Variants in FBLN2 observed in about 807,000 individuals in gnomAD.
FBLN2 encodes fibulin-2.
FBLN2 carries 81 observed loss-of-function variants against 123.7 expected under a neutral mutation model. That is an observed-to-expected ratio of 0.65 (90% CI 0.55 to 0.79). FBLN2 has a LOEUF of 0.79. Ranked by LOEUF, FBLN2 falls within the 30% of genes least tolerant of loss-of-function variation. FBLN2 has a pLI of 0.00. For synonymous variants in FBLN2, 699 were observed against 701.4 expected (o/e 1.00, Z 0.05); for missense variants, 1,603 against 1,681.3 (o/e 0.95, Z 0.81).
chr3:13,616,529 G>C (rs560175581), intron 5 of FBLN2, among the ~76,000 whole-genome samples: 1 of 152,326 alleles, frequency 6.6e-6, no homozygotes, highest in Admixed American at 6.5e-5. Flanking sequence ...TCATGGCCCT[G>C]CCTGGAGGCA....
chr3:13,603,332 C>A (rs1297145164), intron 2 of FBLN2, among the ~76,000 whole-genome samples: 1 of 151,138 alleles, frequency 6.6e-6, no homozygotes, highest in South Asian at 2.1e-4. Context: ...TGGTGTGCTG[C>A]ACCTGTTAAC....
chr3:13,590,538 C>T (rs1482774158), intron 2 of FBLN2, among the ~76,000 whole-genome samples: 1 of 151,306 alleles, frequency 6.6e-6, no homozygotes, highest in Non-Finnish European at 1.5e-5. Flanking sequence ...GTTGGCCAGG[C>T]TGGTCTTGAA....
chr3:13,621,523 G>A (rs916581051), intron 8 of FBLN2, among the ~76,000 whole-genome samples: 1 of 152,138 alleles, frequency 6.6e-6, no homozygotes, highest in Non-Finnish European at 1.5e-5. Flanking sequence ...CTCTGGTCCT[G>A]TCCCCACTGT....
chr3:13,570,517 C>CTGTGCCACGTG lies in FBLN2; in HGVS notation c.168_178dup (p.Gln60ProfsTer70). Reference sequence around the variant, plus strand: ...AGGAGGCGCTGGAGCCGGGTGCCTGCTGTGCCACGTGTGTGCAGCAGGGCT... The same window carrying CTGTGCCACGTG: ...AGGAGGCGCTGGAGCCGGGTGCCTGCTGTGCCACGTGTGTGCCACGTGTGTGCAGCAGGGCT... On this transcript the variant is annotated frameshift_variant, in exon 2 of 18. Transcript: ENST00000404922. LOFTEE classifies it high-confidence loss of function. 6.3e-7 allele frequency: 1 copy of CTGTGCCACGTG among 1,588,800 alleles called. No homozygotes were observed. Among genetic ancestry groups the CTGTGCCACGTG allele is most frequent in the South Asian group, 1.1e-5 (1 of 87,196 alleles).
chr3:13,618,129 G>C lies in FBLN2; in HGVS notation c.1783G>C (p.Glu595Gln), dbSNP rs772952388. 6.2e-7 allele frequency: 1 copy of C among 1,613,506 alleles called. No individual in the cohort carries two copies. Among genetic ancestry groups the C allele is most frequent in the Admixed American group, 1.7e-5 (1 of 60,032 alleles). Residue 595 changes from glutamate to glutamine, a missense_variant, in exon 6 of 18, where the codon GAG (glutamate) becomes CAG (glutamine). Transcript: ENST00000404922. ...REALSLGTEA[E>Q]LPNSLPGDDQ... ...GGCCCTGTCACTGGGCACAGAGGCCGAGCTGCCGAACAGCCTGCCGGGCGA... is the reference window on the plus strand; with the variant it reads ...GGCCCTGTCACTGGGCACAGAGGCCCAGCTGCCGAACAGCCTGCCGGGCGA...
At chr3:13,595,130 G>A (rs903943587) in intron 2 of FBLN2, among the ~76,000 whole-genome samples, 1 of 152,226 alleles carries the variant, frequency 6.6e-6, no homozygotes, top group Admixed American at 6.5e-5. Flanking sequence ...TACCGTGGGT[G>A]CAGGGTGGGG....
intron 14 of FBLN2, 97 bp downstream of exon 14, chr3:13,630,042 T>TA (rs1489782233): frequency 1.8e-5 from 28 of 1,518,588 alleles, no homozygotes; most frequent in Middle Eastern, 1.7e-4. Flanking sequence ...CCTTCACCCT[T>TA]ACACCTTCAC....
At chr3:13,559,859 T>G (rs997207787) in intron 1 of FBLN2, among the ~76,000 whole-genome samples, 3 of 152,152 alleles carry the variant, frequency 2.0e-5, no homozygotes, top group African/African-American at 7.2e-5. Context: ...GCAGACCATG[T>G]GGAGCATGCC....
In FBLN2 at chr3:13,629,231, C is replaced by A. The variant is rs765946071; in HGVS notation, c.2781C>A (p.Gly927=). 1 of 1,613,326 alleles carries A rather than the reference C, an allele frequency of 6.2e-7. No homozygotes were observed. The highest frequency in any genetic ancestry group is 1.1e-5 in the South Asian group (1 of 91,066). Residue 927 remains glycine (G), a synonymous_variant, in exon 13 of 18, where the codon GGC becomes GGA. Transcript: ENST00000404922. ...GEGQVCHNLP[G]SYRCDCKAGF... is the part of the protein sequence containing the mutation. ...GCCAAGTGTGCCACAACCTCCCTGGCTCCTACCGCTGTGACTGCAAAGCCG... is the reference window on the plus strand; with the variant it reads ...GCCAAGTGTGCCACAACCTCCCTGGATCCTACCGCTGTGACTGCAAAGCCG...
At chr3:13,609,317 C>G (rs1393323424) in intron 3 of FBLN2, among the ~76,000 whole-genome samples, 196 bp from the exon 4 acceptor site, 1 of 152,190 alleles carries the variant, frequency 6.6e-6, no homozygotes, top group East Asian at 1.9e-4. Flanking sequence ...CTAGTGGGAC[C>G]CAGGCCTGCA....
intron 2 of FBLN2, among the ~76,000 whole-genome samples, chr3:13,577,222 C>CAAA (rs34445954): frequency 8.3e-5 from 5 of 59,918 alleles, no homozygotes; most frequent in African/African-American, 3.2e-4. Flanking sequence ...GACTCCGTCT[C>CAAA]AAAAAAAAAA....
chr3:13,610,005 C>CTAAGGAGAAAAACT (rs1168901881), intron 4 of FBLN2, among the ~76,000 whole-genome samples: 1 of 152,130 alleles, frequency 6.6e-6, no homozygotes, highest in Non-Finnish European at 1.5e-5. Context: ...GGCGATTGTG[C>CTAAGGAGAAAAACT]TAAGGAGAAA....
At position 13,573,085 on chromosome 3, in the gene FBLN2, A is replaced by G. The variant is rs185428142; in HGVS notation, c.1306+1424A>G. 3.7e-3 allele frequency among the ~76,000 whole-genome samples: 561 copies of G among 152,186 alleles called. 7 individuals are homozygous for G. Among genetic ancestry groups the G allele is most frequent in the African/African-American group, 0.013 (540 of 41,484 alleles). ...GCCTCACAGACCCACAGACATTGGA[A>G]AGGCCCAGAGCTCCGTCAGTGTGAG... On this transcript the variant is annotated intron_variant, in intron 2 of 17. Transcript: ENST00000404922.
chr3:13,625,310 T>C (rs552677850), intron 9 of FBLN2, among the ~76,000 whole-genome samples: 49 of 152,276 alleles, frequency 3.2e-4, no homozygotes, highest in African/African-American at 1.2e-3. Context: ...ACCTCCCTTA[T>C]GCGTCCTCTC....
chr3:13,618,210 A>C lies in FBLN2; in HGVS notation c.1864A>C (p.Asn622His). 1 of 1,613,878 alleles carries C rather than the reference A, an allele frequency of 6.2e-7. No individual in the cohort carries two copies. Among genetic ancestry groups the C allele is most frequent in the South Asian group, 1.1e-5 (1 of 91,086 alleles). Residue 622 changes from asparagine to histidine, a missense_variant, in exon 6 of 18, where the codon AAT becomes CAT. By Grantham distance (68) the Asn-to-His change is moderately conservative (BLOSUM62 1). Coordinates refer to ENST00000404922, the MANE Select transcript of FBLN2 (RefSeq NM_001004019.2). Reference sequence around the variant, plus strand: ...AGAGCTGTGCCAGCACCTTTGCATCAATACTGTGGGTTCTTACCACTGTGC... The same window carrying C: ...AGAGCTGTGCCAGCACCTTTGCATCCATACTGTGGGTTCTTACCACTGTGC... ...PGELCQHLCINTVGSYHCACF... is the reference protein window; with the variant it reads ...PGELCQHLCIHTVGSYHCACF...
intron 16 of FBLN2, among the ~76,000 whole-genome samples, chr3:13,634,596 A>G (rs1380525306): frequency 6.6e-6 from 1 of 152,250 alleles, no homozygotes; most frequent in Non-Finnish European, 1.5e-5. Flanking sequence ...GGAGTCCACG[A>G]GTGAATAATC....
intron 1 of FBLN2, among the ~76,000 whole-genome samples, chr3:13,562,664 C>T (rs1703645634): frequency 6.6e-6 from 1 of 152,218 alleles, no homozygotes; most frequent in South Asian, 2.1e-4. Context: ...CCATTTTAAC[C>T]TGCTTGAGTG....
chr3:13,574,911 G>A (rs1319516163), intron 2 of FBLN2, among the ~76,000 whole-genome samples: 6 of 152,170 alleles, frequency 3.9e-5, no homozygotes, highest in African/African-American at 9.7e-5. Context: ...GCACATGGCC[G>A]TGACCAGGGA....
chr3:13,585,757 C>G (rs2124847407), intron 2 of FBLN2, among the ~76,000 whole-genome samples: 1 of 152,288 alleles, frequency 6.6e-6, no homozygotes, highest in South Asian at 2.1e-4. Flanking sequence ...CACCATTGCA[C>G]TCCAGCCTGG....
Sources: gnomAD v4.1 joint callset for allele counts (sites outside exome capture counted in the v4.1 genomes callset) on GRCh38, gnomAD v4.1.1 for gene constraint, MANE v1.5 for transcripts, NCBI Gene and HGNC (gene_info 2026-07-23, HGNC 2026-07-21) for gene names.